Variants in RORA observed in about 807,000 individuals in gnomAD.
RORA encodes the protein nuclear receptor ROR-alpha.
In RORA, 7 loss-of-function variants were observed where a neutral mutation model predicts 69.5. The observed-to-expected ratio is 0.10, with a 90% CI of 0.06 to 0.19. RORA has a LOEUF of 0.19. Among genes scored for constraint, RORA ranks in the 10% least tolerant of loss-of-function variants. RORA has a pLI of 1.00. For synonymous variants in RORA, 261 were observed against 240.8 expected, an observed-to-expected ratio of 1.08 and a Z score of -0.78; for missense variants, 457 against 663.0, an observed-to-expected ratio of 0.69 and a Z score of 3.41.
rs200212669 is a variant in RORA at position 60,558,322 on chromosome 15, T to C, written c.197-26471A>G. 3.4e-5 allele frequency: 54 copies of C among 1,577,162 alleles called. No homozygotes were observed. The Admixed American group carries it at 5.4e-4, about 16-fold the overall frequency. ...AAGTTCATCCCTGGAACGAAAATGATAGCCTATCTCAAAAAAGCTACTAAT... is the reference window on the plus strand; with the variant it reads ...AAGTTCATCCCTGGAACGAAAATGACAGCCTATCTCAAAAAAGCTACTAAT... On this transcript the variant is annotated intron_variant, in intron 2 of 10. Transcript: ENST00000335670.
At chr15:60,645,417 T>G (rs2070022162) in intron 2 of RORA, among the ~76,000 whole-genome samples, 1 of 143,982 alleles carries the variant, frequency 6.9e-6, no homozygotes, top group Non-Finnish European at 1.5e-5. Context: ...TCTTGACAGA[T>G]AAATTTTTTT....
At chr15:60,689,395 T>C (rs553123137) in intron 1 of RORA, among the ~76,000 whole-genome samples, 81 of 152,334 alleles carry the variant, frequency 5.3e-4, no homozygotes, top group Non-Finnish European at 1.1e-3. Context: ...TGGGTTCTTT[T>C]GGAGATTGAC....
chr15:61,062,009 G>A (rs980953976), intron 1 of RORA, among the ~76,000 whole-genome samples: 2 of 152,172 alleles, frequency 1.3e-5, no homozygotes, highest in Non-Finnish European at 2.9e-5. Context: ...GTTGCAGTGA[G>A]CTGGGATTGT....
At chr15:60,550,004 G>C (rs577988092) in intron 2 of RORA, among the ~76,000 whole-genome samples, 87 of 152,280 alleles carry the variant, frequency 5.7e-4, no homozygotes, top group Middle Eastern at 3.4e-3. Context: ...AAAAAGTGTA[G>C]AAGAGGGGCC....
intron 2 of RORA, among the ~76,000 whole-genome samples, chr15:60,634,562 G>C (rs767483668): frequency 2.0e-5 from 3 of 150,668 alleles, no homozygotes; most frequent in Non-Finnish European, 4.5e-5. Context: ...CCGCCACCAC[G>C]CCCGGCTAAT....
At chr15:60,686,864 C>G (rs113292924) in intron 1 of RORA, 1 of 152,212 alleles carries the variant, frequency 6.6e-6, no homozygotes, top group Non-Finnish European at 1.5e-5. Context: ...GCAAGTCAGA[C>G]ACTATGGGAA....
At chr15:61,068,010 G>C (rs2078289287) in intron 1 of RORA, among the ~76,000 whole-genome samples, 1 of 152,192 alleles carries the variant, frequency 6.6e-6, no homozygotes, top group Non-Finnish European at 1.5e-5. Context: ...CATCCTCCAT[G>C]ATTATACCCA....
intron 1 of RORA, among the ~76,000 whole-genome samples, chr15:60,709,638 A>G (rs2071115896): frequency 6.6e-6 from 1 of 151,744 alleles, no homozygotes; most frequent in South Asian, 2.1e-4. Context: ...GCTCGTCATG[A>G]CAATCTAATG....
At chr15:60,580,147 A>C (rs1480917864) in intron 2 of RORA, among the ~76,000 whole-genome samples, 2 of 152,218 alleles carry the variant, frequency 1.3e-5, no homozygotes, top group Non-Finnish European at 2.9e-5. Flanking sequence ...GAGGGAAGAA[A>C]GTCAAACCCA....
chr15:60,517,110 C>CTTTTTTTTTTTTTTTT (rs34707279), intron 3 of RORA, among the ~76,000 whole-genome samples: 2 of 141,264 alleles, frequency 1.4e-5, no homozygotes, highest in African/African-American at 5.6e-5. Context: ...TTCATCTGTG[C>CTTTTTTTTTTTTTTTT]TTTTTTTTTT....
intron 1 of RORA, among the ~76,000 whole-genome samples, chr15:61,096,292 C>T (rs2078789094): frequency 6.6e-6 from 1 of 152,140 alleles, no homozygotes; most frequent in Non-Finnish European, 1.5e-5. Flanking sequence ...CATGCTTTAT[C>T]CAGTGTGCTC....
chr15:61,206,641 T>G (rs944154951), intron 1 of RORA, among the ~76,000 whole-genome samples: 12 of 152,112 alleles, frequency 7.9e-5, no homozygotes, highest in Non-Finnish European at 1.6e-4. Flanking sequence ...TCCTTCCCGA[T>G]GGAGAGAAGA....
At chr15:60,682,854 G>T (rs1053999294) in intron 1 of RORA, among the ~76,000 whole-genome samples, 2 of 152,202 alleles carry the variant, frequency 1.3e-5, no homozygotes, top group African/African-American at 4.8e-5. Flanking sequence ...CAGAGATAGG[G>T]ACTTGATAGA....
intron 2 of RORA, among the ~76,000 whole-genome samples, chr15:60,575,335 A>G (rs1167709273): frequency 6.6e-6 from 1 of 152,242 alleles, no homozygotes; most frequent in Admixed American, 6.5e-5. Flanking sequence ...CTTGGCCTTC[A>G]TGATACGGAG....
intron 2 of RORA, among the ~76,000 whole-genome samples, chr15:60,546,763 C>T (rs2067083004): frequency 6.6e-6 from 1 of 152,146 alleles, no homozygotes; most frequent in Non-Finnish European, 1.5e-5. Context: ...TGTGTGACTG[C>T]AGTAAAAGCA....
At chr15:61,137,228 A>G (rs2079254518) in intron 1 of RORA, among the ~76,000 whole-genome samples, 1 of 152,188 alleles carries the variant, frequency 6.6e-6, no homozygotes, top group Non-Finnish European at 1.5e-5. Flanking sequence ...TCCTTTGAAG[A>G]CTACAAACTC....
intron 1 of RORA, among the ~76,000 whole-genome samples, chr15:60,770,343 A>T (rs190294246): frequency 6.6e-6 from 1 of 152,188 alleles, no homozygotes; most frequent in Admixed American, 6.5e-5. Flanking sequence ...TGACCAGCAC[A>T]TACAGGCAGG....
chr15:60,807,152 C>T (rs2140363176), intron 1 of RORA, among the ~76,000 whole-genome samples: 1 of 152,170 alleles, frequency 6.6e-6, no homozygotes, highest in East Asian at 1.9e-4. Context: ...TGATCCTGTA[C>T]CTAGAAAAAC....
At chr15:60,833,347 C>G (rs2073073775) in intron 1 of RORA, among the ~76,000 whole-genome samples, 1 of 152,136 alleles carries the variant, frequency 6.6e-6, no homozygotes, top group Non-Finnish European at 1.5e-5. Context: ...TCCTCAGTAG[C>G]TGGGATTACA....
Sources: gnomAD v4.1 joint callset for allele counts (sites outside exome capture counted in the v4.1 genomes callset) on GRCh38, gnomAD v4.1.1 for gene constraint, MANE v1.5 for transcripts, NCBI Gene and HGNC (gene_info 2026-07-23, HGNC 2026-07-21) for gene names.